Variants in TNFRSF11A observed in about 807,000 individuals in gnomAD.
TNFRSF11A encodes tumor necrosis factor receptor superfamily member 11A.
TNFRSF11A carries 32 observed loss-of-function variants against 55.7 expected under a neutral mutation model. The ratio of observed to expected loss-of-function variants is 0.57; its 90% CI spans 0.43 to 0.77. The LOEUF is 0.77. Ranked by LOEUF, TNFRSF11A falls within the 30% of genes least tolerant of loss-of-function variation. The probability of loss-of-function intolerance (pLI) is 0.00; values close to 1 mark genes in which losing one functional copy is unlikely to be tolerated. For synonymous variants in TNFRSF11A, 311 were observed against 331.0 expected, an observed-to-expected ratio of 0.94 and a Z score of 0.65; for missense variants, 753 against 809.8, an observed-to-expected ratio of 0.93 and a Z score of 0.85.
intron 9 of TNFRSF11A, among the ~76,000 whole-genome samples, chr18:62,381,350 C>CA (rs1911270961): frequency 6.6e-6 from 1 of 152,178 alleles, no homozygotes; most frequent in Admixed American, 6.5e-5. Flanking sequence ...TCAGACTCAT[C>CA]AGAGGTTCTC....
chr18:62,370,040 T>C (rs960469840), intron 9 of TNFRSF11A, among the ~76,000 whole-genome samples: 8 of 152,330 alleles, frequency 5.3e-5, no homozygotes, highest in Middle Eastern at 3.4e-3. Context: ...TTTAAAAAGT[T>C]TCATGAGAAA....
chr18:62,385,161 T>A lies in TNFRSF11A; in HGVS notation c.*127T>A. ...AGTCGAGGAAGACCACCCGGCATTC[T>A]CTGCCCACTTTGCCTTCCAGGAAAT... is the stretch of plus-strand genomic sequence containing the variant. On this transcript the variant is annotated 3_prime_UTR_variant, in exon 10 of 10. Coordinates refer to ENST00000586569, the MANE Select transcript of TNFRSF11A (RefSeq NM_003839.4). 8.9e-7 allele frequency: 1 copy of A among 1,122,844 alleles called. No homozygotes were observed. Among genetic ancestry groups the A allele is most frequent in the Non-Finnish European group, 1.2e-6 (1 of 857,052 alleles). 69.6% of individuals were successfully genotyped at this position (1,122,844 alleles called of 1,614,324 possible). A position where few individuals can be genotyped will look rare whatever the true frequency, so the allele number is the denominator to read the frequency against.
intron 9 of TNFRSF11A, among the ~76,000 whole-genome samples, chr18:62,370,830 CTTTTCTT>C (rs1417346178): frequency 1.2e-4 from 10 of 86,514 alleles, no homozygotes; most frequent in Middle Eastern, 7.0e-3. Flanking sequence ...CTTTTCTTTT[CTTTTCTT>C]TTTTTTTTTT....
At chr18:62,326,269 T>C (rs2046074221) in intron 1 of TNFRSF11A, among the ~76,000 whole-genome samples, 1 of 152,044 alleles carries the variant, frequency 6.6e-6, no homozygotes, top group African/African-American at 2.4e-5. Context: ...CTGCCGTCCC[T>C]CCGCAGCCGG....
chr18:62,348,877 A>T (rs1269661906), intron 2 of TNFRSF11A, among the ~76,000 whole-genome samples: 2 of 152,220 alleles, frequency 1.3e-5, no homozygotes, highest in African/African-American at 4.8e-5. Flanking sequence ...TTCAGCTACA[A>T]TTATTTATTG....
Position 62,388,356 on chromosome 18 carries a change from A to G in TNFRSF11A, c.*3322A>G, listed in dbSNP as rs1353991972. On this transcript the variant is annotated 3_prime_UTR_variant, in exon 10 of 10. Coordinates refer to ENST00000586569, the MANE Select transcript of TNFRSF11A (RefSeq NM_003839.4). Reference sequence around the variant, plus strand: ...TCTTGAGGCCTAGGCTCTAACTGGCATGCTGTCACTTCTGCCACATTCTGT... The same window carrying G: ...TCTTGAGGCCTAGGCTCTAACTGGCGTGCTGTCACTTCTGCCACATTCTGT... 1.3e-5 allele frequency: 2 copies of G among 152,254 alleles called. No homozygotes were observed. The highest frequency in any genetic ancestry group is 4.8e-5 in the African/African-American group (2 of 41,466). The allele number at this position is 152,254 out of a possible 1,614,324, so 9.4% of individuals were successfully genotyped here.
chr18:62,368,590 T>C, intron 8 of TNFRSF11A, 111 bp from the exon 9 acceptor site: 1 of 1,138,296 alleles, frequency 8.8e-7, no homozygotes, highest in Non-Finnish European at 1.3e-6. Flanking sequence ...CCATCTGTAC[T>C]TGTTATGGTG....
intron 1 of TNFRSF11A, among the ~76,000 whole-genome samples, chr18:62,331,363 G>A (rs1425269875): frequency 1.3e-5 from 2 of 152,196 alleles, no homozygotes; most frequent in African/African-American, 4.8e-5. Context: ...AAGTGAAGAA[G>A]TGTTGTTGTT....
chr18:62,348,157 G>A lies in TNFRSF11A; in HGVS notation c.76-11G>A. On this transcript the variant is annotated splice_polypyrimidine_tract_variant and intron_variant, in intron 1 of 9. Coordinates refer to ENST00000586569, the MANE Select transcript of TNFRSF11A (RefSeq NM_003839.4). ...TGTGGACTCTCTGCCTGACCTCAGTGTTCTTTTCAGGTGGCTTTGCAGATC... is the reference window on the plus strand; with the variant it reads ...TGTGGACTCTCTGCCTGACCTCAGTATTCTTTTCAGGTGGCTTTGCAGATC... 1.9e-6 allele frequency: 3 copies of A among 1,611,892 alleles called. No homozygotes were observed. The highest frequency in any genetic ancestry group is 2.5e-6 in the Non-Finnish European group (3 of 1,178,504).
intron 9 of TNFRSF11A, among the ~76,000 whole-genome samples, chr18:62,371,477 C>T (rs528721067): frequency 6.6e-6 from 1 of 152,232 alleles, no homozygotes; most frequent in Non-Finnish European, 1.5e-5. Flanking sequence ...TTTTATTTCT[C>T]TAGCACTAAA....
chr18:62,355,816 A>G (rs1251862313), intron 4 of TNFRSF11A, among the ~76,000 whole-genome samples: 1 of 152,206 alleles, frequency 6.6e-6, no homozygotes, highest in African/African-American at 2.4e-5. Flanking sequence ...AGCATTCAAC[A>G]TCAATTCTGT....
At chr18:62,329,195 G>T (rs186865109) in intron 1 of TNFRSF11A, among the ~76,000 whole-genome samples, 10 of 152,280 alleles carry the variant, frequency 6.6e-5, no homozygotes, top group Admixed American at 1.3e-4. Flanking sequence ...CCATTTTTTG[G>T]TTTGTTTTTT....
At chr18:62,329,123 GA>G (rs143689678) in intron 1 of TNFRSF11A, among the ~76,000 whole-genome samples, 4 of 150,792 alleles carry the variant, frequency 2.7e-5, no homozygotes, top group Admixed American at 6.6e-5. Context: ...GAAGTTCATG[GA>G]AAAAAAAATA....
chr18:62,369,902 C>T (rs903130483), intron 9 of TNFRSF11A, among the ~76,000 whole-genome samples: 2 of 152,118 alleles, frequency 1.3e-5, no homozygotes, highest in African/African-American at 2.4e-5. Flanking sequence ...TCTTAAATCT[C>T]CCCCAAGAAA....
chr18:62,361,200 G>A (rs2145329809), intron 6 of TNFRSF11A, among the ~76,000 whole-genome samples: 1 of 152,316 alleles, frequency 6.6e-6, no homozygotes, highest in Admixed American at 6.5e-5. Flanking sequence ...GAACAGTTGG[G>A]TCCACGTGGT....
chr18:62,368,086 G>A (rs778520279), intron 8 of TNFRSF11A, among the ~76,000 whole-genome samples: 4 of 151,996 alleles, frequency 2.6e-5, no homozygotes, highest in Non-Finnish European at 5.9e-5. Context: ...GAGCCACCAC[G>A]CCTGGTTAGA....
At chr18:62,351,889 C>G (rs796850534) in intron 3 of TNFRSF11A, among the ~76,000 whole-genome samples, 25 of 152,276 alleles carry the variant, frequency 1.6e-4, no homozygotes, top group African/African-American at 6.0e-4. Flanking sequence ...CTTGGCCTCC[C>G]GGGTTCAAAC....
chr18:62,375,984 A>G (rs1177650352), intron 9 of TNFRSF11A, among the ~76,000 whole-genome samples: 8 of 152,218 alleles, frequency 5.3e-5, no homozygotes, highest in Non-Finnish European at 1.2e-4. Flanking sequence ...AAGTCAGTGC[A>G]AGTGATGCTG....
At position 62,384,882 on chromosome 18, in the gene TNFRSF11A, G is replaced by A. The variant is rs1223185765; in HGVS notation, c.1699G>A (p.Gly567Ser). The change falls in exon 10 of 10, where the codon GGC becomes AGC. Residue 567 changes from glycine (G) to serine (S), a missense_variant. Around this residue, in one of 3 missense-constraint regions of TNFRSF11A, gnomAD observed 567 missense variants for 596.7 expected, o/e 0.95. Coordinates refer to ENST00000586569, the MANE Select transcript of TNFRSF11A (RefSeq NM_003839.4). ...EGAAAAAEPM[G>S]RPVQEETLAR... ...CGCGGCGGCGGCTGCGGAGCCCATGGGCCGCCCGGTGCAGGAGGAGACCCT... is the reference window on the plus strand; with the variant it reads ...CGCGGCGGCGGCTGCGGAGCCCATGAGCCGCCCGGTGCAGGAGGAGACCCT... 1 of 1,592,766 alleles carries A rather than the reference G, an allele frequency of 6.3e-7. No individual in the cohort carries two copies. The highest frequency in any genetic ancestry group is 8.5e-7 in the Non-Finnish European group (1 of 1,169,992).
Sources: allele counts gnomAD v4.1 joint callset (sites outside exome capture counted in the v4.1 genomes callset), GRCh38; gene constraint gnomAD v4.1.1; regional missense constraint gnomAD v4.1.1; transcripts MANE v1.5; gene names NCBI Gene and HGNC (gene_info 2026-07-23, HGNC 2026-07-21).